Variants in GPI observed in about 807,000 individuals in gnomAD.
GPI encodes glucose-6-phosphate isomerase.
Under a neutral mutation model 75.8 loss-of-function variants are expected in GPI, and 56 were observed. That is an observed-to-expected ratio of 0.74 (90% CI 0.60 to 0.92). The LOEUF (loss-of-function observed/expected upper bound fraction) is 0.92. Among genes scored for constraint, GPI ranks in the 40% least tolerant of loss-of-function variants. The pLI is 0.00. For missense variants in GPI, 638 were observed against 741.0 expected (o/e 0.86, Z 1.61); for synonymous variants, 288 against 285.4 (o/e 1.01, Z -0.09).
chr19:34,378,998 C>T lies in GPI; in HGVS notation c.698C>T (p.Ala233Val). The part of the protein sequence containing the change: ...ETAKEWFLQA[A>V]KDPSAVAKHF... Reference sequence around the variant, plus strand: ...GCGAAGGAGTGGTTTCTCCAGGCGGCCAAGGATGTGAGTGGGCTATAGGGC... The same window carrying T: ...GCGAAGGAGTGGTTTCTCCAGGCGGTCAAGGATGTGAGTGGGCTATAGGGC... The change falls in exon 7 of 18, where the codon GCC (alanine) becomes GTC (valine). Residue 233 changes from alanine (A) to valine (V), a missense_variant. Coordinates refer to ENST00000356487, the MANE Select transcript of GPI (RefSeq NM_000175.5). 1 of 1,613,918 alleles carries T rather than the reference C, an allele frequency of 6.2e-7. No homozygotes were observed. Among genetic ancestry groups the T allele is most frequent in the South Asian group, 1.1e-5 (1 of 91,076 alleles).
intron 4 of GPI, among the ~76,000 whole-genome samples, chr19:34,373,554 C>T (rs2074487549): frequency 7.1e-6 from 1 of 140,238 alleles, no homozygotes; most frequent in African/African-American, 2.7e-5. Flanking sequence ...AAGATTCCAT[C>T]TCCAAAAAAA....
upstream of GPI, among the ~76,000 whole-genome samples, chr19:34,361,709 G>A (rs543829182): frequency 9.7e-4 from 148 of 152,216 alleles, no homozygotes; most frequent in Non-Finnish European, 1.6e-3. Context: ...GGCTGGGCGC[G>A]GTGTTGCATG....
At chr19:34,385,637 A>G (rs531191532) in intron 9 of GPI, among the ~76,000 whole-genome samples, 2 of 152,324 alleles carry the variant, frequency 1.3e-5, no homozygotes, top group African/African-American at 2.4e-5. Context: ...CTAAAAAGTC[A>G]TAGTCAAGCC....
intron 4 of GPI, among the ~76,000 whole-genome samples, chr19:34,370,642 T>C (rs2074437580): frequency 1.3e-5 from 2 of 152,006 alleles, no homozygotes; most frequent in East Asian, 3.9e-4. Flanking sequence ...GGAGAATCTC[T>C]TGAACCCGGG....
chr19:34,399,690 C>T (rs1369915683), intron 16 of GPI, 29 bp from the exon 17 acceptor site: 1 of 1,613,762 alleles, frequency 6.2e-7, no homozygotes, highest in Non-Finnish European at 8.5e-7. Flanking sequence ...TTGTGGAGCC[C>T]TGATGTGCCC....
Position 34,377,832 on chromosome 19 carries a change from C to T in GPI, c.584C>T (p.Thr195Ile), listed in dbSNP as rs1426869331. Residue 195 changes from threonine (T) to isoleucine (I), a missense_variant, in exon 6 of 18, where the codon ACC becomes ATC. By Grantham distance (89) the Thr-to-Ile change is moderately conservative. Coordinates refer to ENST00000356487, the MANE Select transcript of GPI (RefSeq NM_000175.5). Reference protein sequence around the residue: ...SNIDGTHIAKTLAQLNPESSL... With the variant: ...SNIDGTHIAKILAQLNPESSL... ...ATTGATGGAACTCACATTGCCAAAA[C>T]CCTGGCCCAGCTGAACCCCGAGTCC... The T allele has an allele frequency of 2.5e-6, 4 of 1,614,052 alleles. No individual in the cohort carries two copies. Among genetic ancestry groups the T allele is most frequent in the Non-Finnish European group, 3.4e-6 (4 of 1,180,034 alleles).
At chr19:34,364,667 C>A (rs1418426900), upstream of GPI, 3 of 326,934 alleles carry the variant, frequency 9.2e-6, no homozygotes, top group Admixed American at 4.9e-5. Flanking sequence ...CGTGAGCCAC[C>A]GCGCCCGGCC....
chr19:34,373,557 CAA>C (rs538891535), intron 4 of GPI, among the ~76,000 whole-genome samples: 35 of 63,148 alleles, frequency 5.5e-4, no homozygotes, highest in Admixed American at 1.3e-3. Flanking sequence ...ATTCCATCTC[CAA>C]AAAAAAAAAA....
At chr19:34,365,421 C>G in intron 1 of GPI, 33 bp downstream of exon 1, 1 of 1,533,402 alleles carries the variant, frequency 6.5e-7, no homozygotes, top group Non-Finnish European at 8.7e-7. Flanking sequence ...GGCTGCCACG[C>G]GCGGCGCCCG....
chr19:34,385,151 C>G (rs1475149720), intron 9 of GPI, among the ~76,000 whole-genome samples: 2 of 151,892 alleles, frequency 1.3e-5, no homozygotes, highest in Non-Finnish European at 2.9e-5. Context: ...ACCAGCCTGG[C>G]CAACATGGTG....
Position 34,393,239 on chromosome 19 carries a change from C to A in GPI, c.805-9C>A. ...GCCCTCCCTCAGCACCTTGTCCTGTCTCTCCTAGTGGGTGGGAGGACGCTA... is the reference window on the plus strand; with the variant it reads ...GCCCTCCCTCAGCACCTTGTCCTGTATCTCCTAGTGGGTGGGAGGACGCTA... On this transcript the variant is annotated splice_polypyrimidine_tract_variant and intron_variant, in intron 9 of 17. Transcript: ENST00000356487. The surrounding 1 kb of genome is among the most constrained non-coding windows in gnomAD (Gnocchi z 4.4). 1 of 1,608,888 alleles carries A rather than the reference C, an allele frequency of 6.2e-7. No individual in the cohort carries two copies. The highest frequency in any genetic ancestry group is 8.5e-7 in the Non-Finnish European group (1 of 1,175,282).
At chr19:34,368,465 A>C in intron 3 of GPI, 118 bp from the exon 4 acceptor site, 1 of 1,070,222 alleles carries the variant, frequency 9.3e-7, no homozygotes, top group Non-Finnish European at 1.4e-6. Context: ...GCTAACAGAG[A>C]CCTCAGGGCC....
At position 34,400,870 on chromosome 19, in the gene GPI, C is replaced by T. The variant is rs2075012260; in HGVS notation, c.*834C>T. 2.1e-5 allele frequency: 7 copies of T among 327,336 alleles called. No individual in the cohort carries two copies. In the Admixed American group the frequency reaches 2.5e-4, roughly 12 times the overall value. 20.3% of individuals were successfully genotyped at this position (327,336 alleles called of 1,614,324 possible). On this transcript the variant is annotated 3_prime_UTR_variant, in exon 18 of 18. Coordinates refer to ENST00000356487, the MANE Select transcript of GPI (RefSeq NM_000175.5). ...CTCCCGAGTAGCTGGGATTACACGG[C>T]GCACACCACCATACCCAGCTAATTT...
rs149486766 is a variant in GPI, at chr19:34,366,336, T to C, written c.123-9T>C. Reference sequence around the variant, plus strand: ...GGGTGTGGTCAGCAGCATCTCCATCTTTCTGCAGCTTGACCCTCAACACCA... The same window carrying C: ...GGGTGTGGTCAGCAGCATCTCCATCCTTCTGCAGCTTGACCCTCAACACCA... On this transcript the variant is annotated splice_polypyrimidine_tract_variant and intron_variant, in intron 1 of 17. Transcript: ENST00000356487. 7.4e-5 allele frequency: 118 copies of C among 1,584,876 alleles called. No homozygotes were observed. In the East Asian group the frequency reaches 2.6e-3, roughly 35 times the overall value.
At chr19:34,391,918 G>A (rs1181812318) in intron 9 of GPI, among the ~76,000 whole-genome samples, 1 of 612 alleles carries the variant, frequency 1.6e-3, no homozygotes, top group Admixed American at 0.015. Flanking sequence ...ACAGGTATGA[G>A]GATCTGGGTC....
chr19:34,378,116 C>T (rs1343692377), intron 6 of GPI, among the ~76,000 whole-genome samples: 2 of 152,236 alleles, frequency 1.3e-5, no homozygotes, highest in South Asian at 2.1e-4. Flanking sequence ...TGACCACACC[C>T]GCTCGCCTTG....
chr19:34,364,940 G>T (rs2074330997), upstream of GPI: 2 of 1,522,852 alleles, frequency 1.3e-6, no homozygotes, highest in Non-Finnish European at 1.8e-6. Flanking sequence ...CCAACACCTG[G>T]GCTCCAGTGA....
At chr19:34,375,642 C>T (rs1327535333) in intron 4 of GPI, among the ~76,000 whole-genome samples, 1 of 152,216 alleles carries the variant, frequency 6.6e-6, no homozygotes, top group African/African-American at 2.4e-5. Flanking sequence ...AGCGAGTTGG[C>T]TGTGACTTTT....
Position 34,400,136 on chromosome 19 carries a change from C to A in GPI, c.*100C>A. 7.6e-7 allele frequency: 1 copy of A among 1,320,198 alleles called. No homozygotes were observed. Among genetic ancestry groups the A allele is most frequent in the Non-Finnish European group, 1.1e-6 (1 of 927,258 alleles). The allele number at this position is 1,320,198 out of a possible 1,614,324, so 81.8% of individuals were successfully genotyped here. A position where few individuals can be genotyped will look rare whatever the true frequency, so the allele number is the denominator to read the frequency against. On this transcript the variant is annotated 3_prime_UTR_variant, in exon 18 of 18. Transcript: ENST00000356487. ...ATGTTCCTGGACACCACCCAGAGCA[C>A]CCTCTGGTTGTGGGCTTGGACCACG...
Sources: allele counts gnomAD v4.1 joint callset (sites outside exome capture counted in the v4.1 genomes callset), GRCh38; gene constraint gnomAD v4.1.1; non-coding constraint Gnocchi (gnomAD v3.1); transcripts MANE v1.5; gene names NCBI Gene and HGNC (gene_info 2026-07-23, HGNC 2026-07-21).